COA8: variants seen among roughly 807,000 people sequenced by gnomAD.
COA8 encodes the protein UPF0671 protein C14orf153.
In COA8, 20 loss-of-function variants were observed where a neutral mutation model predicts 22.0. The ratio of observed to expected loss-of-function variants is 0.91; its 90% CI spans 0.64 to 1.32. The LOEUF (loss-of-function observed/expected upper bound fraction) is 1.32, where lower values mean the gene tolerates loss of function less well. Among genes scored for constraint, COA8 ranks in the 40% most tolerant of loss-of-function variants. COA8 has a pLI of 0.00. For synonymous variants in COA8, 105 were observed against 79.9 expected (o/e 1.31, Z -1.68); for missense variants, 266 against 230.0 (o/e 1.16, Z -1.01).
intron 4 of COA8, among the ~76,000 whole-genome samples, chr14:103,588,439 C>A (rs922642367): frequency 2.7e-5 from 4 of 150,382 alleles, no homozygotes; most frequent in Non-Finnish European, 5.9e-5. Context: ...CAGAGTAAGA[C>A]CCTGTCTCAA....
intron 3 of COA8, among the ~76,000 whole-genome samples, chr14:103,586,488 G>A (rs559033059): frequency 2.0e-5 from 3 of 151,884 alleles, no homozygotes; most frequent in East Asian, 1.9e-4. Context: ...GACTACAGAC[G>A]TGCACCACCA....
At chr14:103,586,392 G>A (rs1209751639) in intron 3 of COA8, among the ~76,000 whole-genome samples, 2 of 151,366 alleles carry the variant, frequency 1.3e-5, no homozygotes, top group African/African-American at 4.9e-5. Context: ...ATTTTTTGGA[G>A]AGATGAGGTC....
chr14:103,589,175 G>A (rs1416232357), intron 4 of COA8, among the ~76,000 whole-genome samples: 1 of 152,162 alleles, frequency 6.6e-6, no homozygotes, highest in Non-Finnish European at 1.5e-5. Flanking sequence ...CAGAAGTGTA[G>A]CTTGCTTTTA....
chr14:103,585,311 C>T lies in COA8; in HGVS notation c.386-1963C>T, dbSNP rs2076297808. On this transcript the variant is annotated intron_variant, in intron 3 of 4. Transcript: ENST00000409074. ...CTGACCAACATGGAGAAACCCGTCT[C>T]TACTAAAACTACAAAAAATTAGCTG... 2.0e-5 allele frequency among the ~76,000 whole-genome samples: 3 copies of T among 151,104 alleles called. No individual in the cohort carries two copies. In the South Asian group the frequency reaches 6.3e-4, roughly 32 times the overall value.
At position 103,588,137 on chromosome 14, in the gene COA8, A is replaced by C. The variant is rs930107321; in HGVS notation, c.476+773A>C. On this transcript the variant is annotated intron_variant, in intron 4 of 4. Transcript: ENST00000409074. ...ATCTCAAAAAAAAAAAAAAAAAAAAAAAACGGGTTTTAGCTGGTTACAGAT... is the reference window on the plus strand; with the variant it reads ...ATCTCAAAAAAAAAAAAAAAAAAAACAAACGGGTTTTAGCTGGTTACAGAT... 3.4e-5 allele frequency: 11 copies of C among 323,396 alleles called. No homozygotes were observed. The East Asian group carries it at 3.6e-4, about 10-fold the overall frequency. The allele number at this position is 323,396 out of a possible 1,614,324, so 20.0% of individuals were successfully genotyped here.
intron 4 of COA8, among the ~76,000 whole-genome samples, chr14:103,589,299 T>G (rs1048045809): frequency 2.0e-5 from 3 of 152,224 alleles, no homozygotes; most frequent in Non-Finnish European, 4.4e-5. Flanking sequence ...TTATTTACTT[T>G]GGGCACTGCT....
At chr14:103,589,703 C>A (rs563702488) in intron 4 of COA8, among the ~76,000 whole-genome samples, 14 of 151,618 alleles carry the variant, frequency 9.2e-5, no homozygotes, top group African/African-American at 2.9e-4. Context: ...GTCAGGAGAT[C>A]GAAACCATCC....
rs2076347103 is a variant in COA8 at position 103,590,796 on chromosome 14, T to A, written c.*510T>A. ...ACGCTTGAACCCAGGAGGCGGAGGT[T>A]GCAGTGATCCAAGATCGCACCACTG... On this transcript the variant is annotated 3_prime_UTR_variant, in exon 5 of 5. Transcript: ENST00000409074. The A allele has an allele frequency of 6.6e-6, 1 of 152,550 alleles. No individual in the cohort carries two copies. The allele number at this position is 152,550 out of a possible 1,614,324, so 9.4% of individuals were successfully genotyped here. A position where few individuals can be genotyped will look rare whatever the true frequency, so the allele number is the denominator to read the frequency against.
At chr14:103,582,916 G>T (rs1002367090) in intron 3 of COA8, among the ~76,000 whole-genome samples, 11 of 151,860 alleles carry the variant, frequency 7.2e-5, no homozygotes, top group Non-Finnish European at 1.2e-4. Context: ...CTCAATTCCT[G>T]CCTCACCTAA....
intron 3 of COA8, among the ~76,000 whole-genome samples, chr14:103,579,855 T>G (rs1171957748): frequency 1.4e-5 from 2 of 147,432 alleles, no homozygotes; most frequent in Non-Finnish European, 3.0e-5. Context: ...CCCAGCTACT[T>G]GGGAGGCTGA....
At chr14:103,568,652 CAG>C (rs1399904568) in intron 1 of COA8, among the ~76,000 whole-genome samples, 16 of 145,112 alleles carry the variant, frequency 1.1e-4, no homozygotes, top group African/African-American at 4.3e-4. Context: ...TATATAGTGA[CAG>C]GGTCTCACTC....
rs1040714895 is a variant in COA8, at chr14:103,581,772, G to A, written c.386-5502G>A. 1.5e-5 allele frequency: 6 copies of A among 394,662 alleles called. No homozygotes were observed. The Admixed American group carries it at 1.8e-4, about 12-fold the overall frequency. The allele number at this position is 394,662 out of a possible 1,614,324, so 24.4% of individuals were successfully genotyped here. On this transcript the variant is annotated intron_variant, in intron 3 of 4. Coordinates refer to ENST00000409074, the MANE Select transcript of COA8 (RefSeq NM_001370595.2). The surrounding 1 kb of genome is among the most constrained non-coding windows in gnomAD (Gnocchi z 4.1). ...GTAGAGTTAAACTGTTCTTCATTCC[G>A]GTGGCACTAGACCTGCCCGGGCGGC...
At position 103,581,079 on chromosome 14, in the gene COA8, C is replaced by T. The variant is rs1028924167; in HGVS notation, c.386-6195C>T. Among the ~76,000 whole-genome samples, 3 of 152,118 alleles carry T rather than the reference C, an allele frequency of 2.0e-5. No homozygotes were observed. Among genetic ancestry groups the T allele is most frequent in the South Asian group, 4.1e-4 (2 of 4,824 alleles). On this transcript the variant is annotated intron_variant, in intron 3 of 4. Coordinates refer to ENST00000409074, the MANE Select transcript of COA8 (RefSeq NM_001370595.2). The surrounding 1 kb of genome is among the most constrained non-coding windows in gnomAD (Gnocchi z 4.1). ...CCTCCCAAAGTCCTGGGATTACAGG[C>T]GTGAGCCACCGCGCCCAGCCTGTTA... is the stretch of plus-strand genomic sequence containing the variant.
At chr14:103,578,888 C>T (rs1055848123) in intron 3 of COA8, among the ~76,000 whole-genome samples, 5 of 152,190 alleles carry the variant, frequency 3.3e-5, no homozygotes, top group Non-Finnish European at 7.3e-5. Context: ...GCCAGCCGCG[C>T]CCCTCCTGCC....
intron 4 of COA8, among the ~76,000 whole-genome samples, chr14:103,589,143 C>T (rs1341155480): frequency 6.6e-6 from 1 of 152,164 alleles, no homozygotes; most frequent in East Asian, 1.9e-4. Flanking sequence ...ACCTCCTGCC[C>T]CTGCCTTCCC....
chr14:103,568,432 T>A (rs2076151291), intron 1 of COA8, among the ~76,000 whole-genome samples: 1 of 145,598 alleles, frequency 6.9e-6, no homozygotes, highest in Non-Finnish European at 1.5e-5. Flanking sequence ...AGGAGATATG[T>A]ATATATATAT....
At chr14:103,587,009 T>G (rs186776307) in intron 3 of COA8, among the ~76,000 whole-genome samples, 2 of 152,306 alleles carry the variant, frequency 1.3e-5, no homozygotes, top group African/African-American at 4.8e-5. Context: ...TAGCCTATTT[T>G]GTATTTTTCA....
At chr14:103,572,000 G>A (rs896024170) in intron 2 of COA8, among the ~76,000 whole-genome samples, 180 bp downstream of exon 2, 1 of 152,052 alleles carries the variant, frequency 6.6e-6, no homozygotes, top group Non-Finnish European at 1.5e-5. Flanking sequence ...GGTGGCGGGC[G>A]CCTGTAGTTC....
At chr14:103,577,908 CAGCTA>C (rs1480513227) in intron 3 of COA8, among the ~76,000 whole-genome samples, 1 of 151,450 alleles carries the variant, frequency 6.6e-6, no homozygotes, top group Non-Finnish European at 1.5e-5. Flanking sequence ...CCTGTAATCC[CAGCTA>C]CTCAGGAGGC....
Sources: gnomAD v4.1 joint callset for allele counts (sites outside exome capture counted in the v4.1 genomes callset) on GRCh38, gnomAD v4.1.1 for gene constraint, Gnocchi (gnomAD v3.1) non-coding constraint, MANE v1.5 for transcripts, NCBI Gene and HGNC (gene_info 2026-07-23, HGNC 2026-07-21) for gene names.